The following BACH2 variants were observed in gnomAD, a reference collection of about 807,000 sequenced individuals.
BACH2 encodes transcription regulator protein BACH2.
Under a neutral mutation model 61.8 loss-of-function variants are expected in BACH2, and 5 were observed. That is an observed-to-expected ratio of 0.08 (90% CI 0.04 to 0.17). BACH2 has a LOEUF of 0.17. BACH2 is among the 10% of genes least tolerant of loss of function. The pLI, the probability that BACH2 is intolerant of heterozygous loss-of-function variation, is 1.00. For synonymous variants in BACH2, 446 were observed against 440.1 expected (o/e 1.01, Z -0.17); for missense variants, 824 against 1,091.1 (o/e 0.76, Z 3.45).
At chr6:90,256,464 G>C (rs929398405) in intron 2 of BACH2, among the ~76,000 whole-genome samples, 2 of 152,194 alleles carry the variant, frequency 1.3e-5, no homozygotes, top group African/African-American at 2.4e-5. Context: ...GGTGAAGATG[G>C]AGAAACTACA....
At chr6:90,100,736 C>CACACAG (rs1562444175) in intron 4 of BACH2, among the ~76,000 whole-genome samples, 14 of 151,540 alleles carry the variant, frequency 9.2e-5, no homozygotes, top group Admixed American at 4.6e-4. Context: ...CAGACACACA[C>CACACAG]ACACACACAC....
At chr6:90,127,598 G>A (rs1488491441) in intron 4 of BACH2, among the ~76,000 whole-genome samples, 4 of 152,172 alleles carry the variant, frequency 2.6e-5, no homozygotes, top group African/African-American at 9.7e-5. Flanking sequence ...TGACTTTCTT[G>A]CTCAGAAATG....
intron 1 of BACH2, among the ~76,000 whole-genome samples, chr6:90,275,621 A>G (rs1771665609): frequency 6.6e-6 from 1 of 151,958 alleles, no homozygotes; most frequent in African/African-American, 2.4e-5. Flanking sequence ...AGTACCTGAT[A>G]GGTTTTTTTT....
intron 4 of BACH2, among the ~76,000 whole-genome samples, chr6:90,172,089 C>T (rs62408207): frequency 3.9e-5 from 6 of 152,152 alleles, no homozygotes; most frequent in Middle Eastern, 3.4e-3. Flanking sequence ...AGGTGGATCA[C>T]GAGGTCAGTA....
intron 6 of BACH2, among the ~76,000 whole-genome samples, chr6:89,994,947 T>A (rs1171527897): frequency 1.3e-5 from 2 of 152,224 alleles, no homozygotes; most frequent in Non-Finnish European, 2.9e-5. Context: ...CACATTTGTA[T>A]TTTTAACCAC....
At chr6:90,195,280 G>T (rs1302496309) in intron 4 of BACH2, among the ~76,000 whole-genome samples, 1 of 152,090 alleles carries the variant, frequency 6.6e-6, no homozygotes, top group Non-Finnish European at 1.5e-5. Context: ...CATGATTAGC[G>T]TTTCTGACAT....
At chr6:89,963,169 TA>T (rs1774845969) in intron 6 of BACH2, among the ~76,000 whole-genome samples, 1 of 152,142 alleles carries the variant, frequency 6.6e-6, no homozygotes, top group African/African-American at 2.4e-5. Context: ...AAATAAAAAT[TA>T]AAACTACAAT....
intron 4 of BACH2, among the ~76,000 whole-genome samples, chr6:90,145,143 C>A (rs1430261155): frequency 6.6e-6 from 1 of 151,982 alleles, no homozygotes; most frequent in Admixed American, 6.6e-5. Context: ...GTGGGAGAGA[C>A]AAGCGCATAC....
At chr6:89,934,567 G>A (rs1227689749) in intron 8 of BACH2, among the ~76,000 whole-genome samples, 2 of 152,160 alleles carry the variant, frequency 1.3e-5, no homozygotes, top group Non-Finnish European at 2.9e-5. Context: ...GCTGGGACAT[G>A]AGAATTGCTT....
chr6:90,207,478 T>C (rs1332592677), intron 3 of BACH2, among the ~76,000 whole-genome samples: 1 of 152,174 alleles, frequency 6.6e-6, no homozygotes, highest in Non-Finnish European at 1.5e-5. Flanking sequence ...ATTACTTAAA[T>C]GGACTTGTAG....
In BACH2 at chr6:90,162,923, G is replaced by A. The variant is rs374846372; in HGVS notation, c.-162+43646C>T. 8.5e-5 allele frequency among the ~76,000 whole-genome samples: 13 copies of A among 152,222 alleles called. 1 individual carries two copies. In the South Asian group the frequency reaches 1.2e-3, roughly 15 times the overall value. ...CAAACACATCTAGTGCTCTGAAAGC[G>A]GACTTGTAGTTGGTTTTTTAAAGAT... On this transcript the variant is annotated intron_variant, in intron 4 of 8. Coordinates refer to ENST00000257749, the MANE Select transcript of BACH2 (RefSeq NM_021813.4).
intron 2 of BACH2, among the ~76,000 whole-genome samples, chr6:90,264,158 A>T (rs556758910): frequency 9.2e-5 from 14 of 152,294 alleles, no homozygotes; most frequent in African/African-American, 3.4e-4. Flanking sequence ...GTTCAATTAC[A>T]GCTTTGTTCA....
intron 5 of BACH2, among the ~76,000 whole-genome samples, chr6:90,014,444 A>G (rs530583024): frequency 0.013 from 815 of 61,974 alleles, 3 homozygotes; most frequent in African/African-American, 0.036. Flanking sequence ...GTGTGTGTAT[A>G]TATATATATA....
intron 3 of BACH2, among the ~76,000 whole-genome samples, chr6:90,228,676 G>C (rs993991065): frequency 6.6e-6 from 1 of 152,034 alleles, no homozygotes; most frequent in East Asian, 1.9e-4. Flanking sequence ...GAGGTGGAGG[G>C]GGCAGTGAGC....
At chr6:90,239,477 A>G (rs62408223) in intron 3 of BACH2, among the ~76,000 whole-genome samples, 17,585 of 152,192 alleles carry the variant, frequency 0.12, 1,344 homozygotes, top group Non-Finnish European at 0.17. Flanking sequence ...CTGGCTCTAA[A>G]ATTACAGCAA....
At chr6:90,015,962 T>C (rs963756508) in intron 5 of BACH2, among the ~76,000 whole-genome samples, 30 of 152,196 alleles carry the variant, frequency 2.0e-4, no homozygotes, top group African/African-American at 6.3e-4. Flanking sequence ...TGCATATATA[T>C]TTAGGGTTTT....
At chr6:90,034,106 C>T (rs1260816011) in intron 5 of BACH2, among the ~76,000 whole-genome samples, 1 of 152,090 alleles carries the variant, frequency 6.6e-6, no homozygotes, top group Non-Finnish European at 1.5e-5. Context: ...GGCTGTTATT[C>T]TCTTTTTGAA....
At chr6:89,939,585 A>C (rs1482329982) in intron 7 of BACH2, among the ~76,000 whole-genome samples, 1 of 152,070 alleles carries the variant, frequency 6.6e-6, no homozygotes, top group African/African-American at 2.4e-5. Context: ...GCATTATCTA[A>C]AGCGAGGACA....
intron 4 of BACH2, among the ~76,000 whole-genome samples, chr6:90,189,045 CAGAG>C (rs775058455): frequency 6.6e-6 from 1 of 152,048 alleles, no homozygotes; most frequent in African/African-American, 2.4e-5. Context: ...TAAACAGAAA[CAGAG>C]AGAGTAAATG....
Sources: gnomAD v4.1 joint callset for allele counts (sites outside exome capture counted in the v4.1 genomes callset) on GRCh38, gnomAD v4.1.1 for gene constraint, MANE v1.5 for transcripts, NCBI Gene and HGNC (gene_info 2026-07-23, HGNC 2026-07-21) for gene names.